The following TTC17 variants were observed in gnomAD, a reference collection of about 807,000 sequenced individuals.
TTC17 encodes the protein tetratricopeptide repeat domain 17.
TTC17 carries 58 observed loss-of-function variants against 143.8 expected under a neutral mutation model. The observed-to-expected ratio is 0.40, with a 90% CI of 0.33 to 0.50. The LOEUF (loss-of-function observed/expected upper bound fraction) is 0.50. Ranked by LOEUF, TTC17 falls within the 20% of genes least tolerant of loss-of-function variation. The probability of loss-of-function intolerance (pLI) is 0.49; values close to 1 mark genes in which losing one functional copy is unlikely to be tolerated. For missense variants in TTC17, 1,273 were observed against 1,392.5 expected (o/e 0.91, Z 1.37); for synonymous variants, 501 against 497.8 (o/e 1.01, Z -0.09).
At chr11:43,414,182 A>G (rs1022109100) in intron 15 of TTC17, among the ~76,000 whole-genome samples, 1 of 152,166 alleles carries the variant, frequency 6.6e-6, no homozygotes, top group South Asian at 2.1e-4. Context: ...CACATATTAC[A>G]TGTACTCATA....
Position 43,358,954 on chromosome 11 carries a change from G to A in TTC17, c.-1G>A. On this transcript the variant is annotated 5_prime_UTR_variant, in exon 1 of 24. Transcript: ENST00000039989. ...GTGAGCGGCCCGGCCGGGGGGGCAAGATGGCGGCGGCAGTAGGGGTTCGTG... is the reference window on the plus strand; with the variant it reads ...GTGAGCGGCCCGGCCGGGGGGGCAAAATGGCGGCGGCAGTAGGGGTTCGTG... 2 of 1,572,676 alleles carry A rather than the reference G, an allele frequency of 1.3e-6. No homozygotes were observed. Among genetic ancestry groups the A allele is most frequent in the East Asian group, 2.5e-5 (1 of 40,322 alleles).
rs75896216 is a variant in TTC17, at chr11:43,468,041, G to A, written c.3030+16776G>A. 997 of 152,232 alleles carry A rather than the reference G, an allele frequency of 6.5e-3. 13 individuals carry two copies. Among genetic ancestry groups the A allele is most frequent in the African/African-American group, 0.023 (943 of 41,548 alleles). The allele number at this position is 152,232 out of a possible 1,614,324, so 9.4% of individuals were successfully genotyped here. A position where few individuals can be genotyped will look rare whatever the true frequency, so the allele number is the denominator to read the frequency against. Reference sequence around the variant, plus strand: ...GATCCACAGATTTAAATACAAAGAAGCCTTACTAGAATATCATAGCAAATT... The same window carrying A: ...GATCCACAGATTTAAATACAAAGAAACCTTACTAGAATATCATAGCAAATT... On this transcript the variant is annotated intron_variant, in intron 21 of 23. Coordinates refer to ENST00000039989, the MANE Select transcript of TTC17 (RefSeq NM_018259.6).
intron 23 of TTC17, among the ~76,000 whole-genome samples, chr11:43,493,521 C>T (rs1360163955): frequency 6.6e-6 from 1 of 152,168 alleles, no homozygotes; most frequent in East Asian, 1.9e-4. Context: ...TGCTCTACCC[C>T]TTTTCCTTTT....
chr11:43,436,350 C>T, intron 16 of TTC17: 1 of 1,248,072 alleles, frequency 8.0e-7, no homozygotes, highest in Non-Finnish European at 1.0e-6. Context: ...TTGATTTGAC[C>T]TGAGCTGTGC....
At chr11:43,405,749 T>A (rs767589353) in intron 12 of TTC17, 37 bp from the exon 13 acceptor site, 2 of 1,612,298 alleles carry the variant, frequency 1.2e-6, no homozygotes, top group Admixed American at 3.4e-5. Flanking sequence ...CACCCAAACT[T>A]TGAAAATATG....
At chr11:43,370,315 G>A (rs751828633) in intron 1 of TTC17, 1 of 241,068 alleles carries the variant, frequency 4.1e-6, no homozygotes, top group South Asian at 4.5e-5. Flanking sequence ...GCAAACAGAA[G>A]GGTCTCTTAG....
In TTC17 at chr11:43,405,792, C is replaced by T. The variant is rs185129617; in HGVS notation, c.1602C>T (p.His534=). 1.4e-5 allele frequency: 22 copies of T among 1,613,470 alleles called. No homozygotes were observed. Among genetic ancestry groups the T allele is most frequent in the African/African-American group, 8.0e-5 (6 of 74,942 alleles). ...TTCCTTTTTCTTGTGCCAGGATCCA[C>T]GAACTCAGCAGTGATGATTATTCTA... ...LPPENKGLRI[H]ELSSDDYSTE... is the part of the protein sequence containing the mutation. The change falls in exon 13 of 24, where the codon CAC becomes CAT. Residue 534 remains histidine, a synonymous_variant. Transcript: ENST00000039989.
intron 1 of TTC17, among the ~76,000 whole-genome samples, chr11:43,363,492 T>C (rs1856198985): frequency 6.6e-6 from 1 of 152,256 alleles, no homozygotes; most frequent in Admixed American, 6.5e-5. Context: ...TACTGAGTTC[T>C]CTGCCTCTGG....
chr11:43,379,140 A>G (rs931823227), intron 1 of TTC17, 93 bp from the exon 2 acceptor site: 2 of 1,158,180 alleles, frequency 1.7e-6, no homozygotes, highest in Non-Finnish European at 2.5e-6. Context: ...TACAATGGCG[A>G]ATGAACAATA....
At chr11:43,418,271 C>A (rs1946822094) in intron 16 of TTC17, among the ~76,000 whole-genome samples, 1 of 152,158 alleles carries the variant, frequency 6.6e-6, no homozygotes, top group African/African-American at 2.4e-5. Context: ...ATCATCATCT[C>A]TCCCTCTTTT....
intron 2 of TTC17, among the ~76,000 whole-genome samples, chr11:43,383,752 T>C (rs1224909683): frequency 1.3e-5 from 2 of 152,150 alleles, no homozygotes; most frequent in African/African-American, 4.8e-5. Flanking sequence ...TACTATTTTT[T>C]ACATGTGATA....
chr11:43,435,517 T>C (rs1947272474), intron 16 of TTC17: 1 of 152,240 alleles, frequency 6.6e-6, no homozygotes, highest in Non-Finnish European at 1.5e-5. Flanking sequence ...ATCAAAATCC[T>C]TTGACTCACA....
chr11:43,469,356 G>A (rs757329333), intron 21 of TTC17, among the ~76,000 whole-genome samples: 1 of 152,022 alleles, frequency 6.6e-6, no homozygotes, highest in African/African-American at 2.4e-5. Context: ...CAGTAATTTT[G>A]CTGCTAGAAA....
chr11:43,396,528 C>A, intron 5 of TTC17, 181 bp from the exon 6 acceptor site: 1 of 386,134 alleles, frequency 2.6e-6, no homozygotes, highest in Admixed American at 4.1e-5. Context: ...GATTAGAATG[C>A]TCTTCTGACA....
chr11:43,440,209 C>T (rs576839779), intron 16 of TTC17, among the ~76,000 whole-genome samples: 72 of 151,898 alleles, frequency 4.7e-4, no homozygotes, highest in Non-Finnish European at 8.5e-4. Flanking sequence ...TCTGAAGATA[C>T]ATTCCTCCAT....
At chr11:43,392,100 T>C in intron 5 of TTC17, 148 bp downstream of exon 5, 1 of 939,838 alleles carries the variant, frequency 1.1e-6, no homozygotes. Context: ...GCAAATTGCA[T>C]AGTTCAGTGC....
At chr11:43,444,722 T>TACACACACACACACACACACACAC (rs10638143) in intron 18 of TTC17, among the ~76,000 whole-genome samples, 1 of 143,554 alleles carries the variant, frequency 7.0e-6, no homozygotes, top group Non-Finnish European at 1.5e-5. Context: ...ACCAAATACA[T>TACACACACACACACACACACACAC]ACACACACAC....
chr11:43,388,160 T>G (rs950469332), intron 2 of TTC17, among the ~76,000 whole-genome samples: 1 of 150,136 alleles, frequency 6.7e-6, no homozygotes, highest in African/African-American at 2.4e-5. Context: ...GCAAAGAAAG[T>G]TTTTCTTAAA....
At chr11:43,431,521 A>G (rs1215905413) in intron 16 of TTC17, among the ~76,000 whole-genome samples, 1 of 152,242 alleles carries the variant, frequency 6.6e-6, no homozygotes, top group African/African-American at 2.4e-5. Flanking sequence ...AATTGTTCAT[A>G]CTAGAGATTC....
Sources: gnomAD v4.1 joint callset for allele counts (sites outside exome capture counted in the v4.1 genomes callset) on GRCh38, gnomAD v4.1.1 for gene constraint, MANE v1.5 for transcripts, NCBI Gene and HGNC (gene_info 2026-07-23, HGNC 2026-07-21) for gene names.